Variants in CAMK4 observed in about 807,000 individuals in gnomAD.
CAMK4 encodes calcium/calmodulin-dependent protein kinase type IV.
Under a neutral mutation model 44.9 loss-of-function variants are expected in CAMK4, and 22 were observed. The observed-to-expected ratio is 0.49, with a 90% CI of 0.35 to 0.70. CAMK4 has a LOEUF of 0.70. Among genes scored for constraint, CAMK4 ranks in the 30% least tolerant of loss-of-function variants. The pLI is 0.01. For missense variants in CAMK4, 498 were observed against 586.8 expected (o/e 0.85, Z 1.56); for synonymous variants, 218 against 215.4 (o/e 1.01, Z -0.11).
intron 2 of CAMK4, among the ~76,000 whole-genome samples, chr5:111,365,799 T>C (rs1413965566): frequency 6.6e-6 from 1 of 152,098 alleles, no homozygotes; most frequent in African/African-American, 2.4e-5. Context: ...AGGATAAAGA[T>C]AAATAATCAG....
Position 111,240,306 on chromosome 5 carries a change from T to TA in CAMK4, c.161+15675dup, listed in dbSNP as rs60517832. ...GAGTTCTGGAAATCATTTAACAATC[T>TA]AAAAAAAAAAAAACCCATAAGTAGT... On this transcript the variant is annotated intron_variant, in intron 1 of 10. Transcript: ENST00000282356. Among the ~76,000 whole-genome samples the TA allele has an allele frequency of 5.1e-3, 729 of 143,014 alleles. 1 individual carries two copies. Among genetic ancestry groups the TA allele is most frequent in the Admixed American group, 7.0e-3 (100 of 14,380 alleles). 93.8% of individuals were successfully genotyped at this position (143,014 alleles called of 152,430 possible). A position where few individuals can be genotyped will look rare whatever the true frequency, so the allele number is the denominator to read the frequency against.
At chr5:111,330,856 A>C (rs891827325) in intron 1 of CAMK4, among the ~76,000 whole-genome samples, 8 of 151,694 alleles carry the variant, frequency 5.3e-5, no homozygotes, top group Non-Finnish European at 1.2e-4. Flanking sequence ...AAAAGTACTG[A>C]GGCAGTGCAA....
chr5:111,230,066 G>A (rs141581858), intron 1 of CAMK4, among the ~76,000 whole-genome samples: 134 of 152,230 alleles, frequency 8.8e-4, no homozygotes, highest in Non-Finnish European at 1.5e-3. Flanking sequence ...TCTTCTTTGA[G>A]GTCTTGGTCC....
chr5:111,239,531 T>C (rs796562255), intron 1 of CAMK4, among the ~76,000 whole-genome samples: 8 of 152,266 alleles, frequency 5.3e-5, no homozygotes, highest in African/African-American at 1.9e-4. Flanking sequence ...GCAGGGATTG[T>C]TAAATATTAA....
intron 1 of CAMK4, among the ~76,000 whole-genome samples, chr5:111,323,221 TAAAGAG>T (rs1432592436): frequency 1.3e-5 from 2 of 151,900 alleles, no homozygotes; most frequent in African/African-American, 4.8e-5. Flanking sequence ...AAACCAAAGA[TAAAGAG>T]AAAATCTTAA....
intron 7 of CAMK4, 68 bp from the exon 8 acceptor site, chr5:111,473,243 A>G (rs1755124273): frequency 9.9e-7 from 1 of 1,011,700 alleles, no homozygotes. Flanking sequence ...TTTCTTTCCC[A>G]TTGCTTGATA....
At chr5:111,337,891 A>T (rs1402543276) in intron 1 of CAMK4, among the ~76,000 whole-genome samples, 1 of 151,132 alleles carries the variant, frequency 6.6e-6, no homozygotes, top group South Asian at 2.1e-4. Context: ...GAGCAATGTT[A>T]TGTGTCCCTA....
At chr5:111,433,291 TCA>T (rs1291361433) in intron 5 of CAMK4, among the ~76,000 whole-genome samples, 1 of 152,216 alleles carries the variant, frequency 6.6e-6, no homozygotes, top group Non-Finnish European at 1.5e-5. Flanking sequence ...TTGTATTCAT[TCA>T]CACATCTGGA....
At chr5:111,381,686 A>G (rs1376478850) in intron 4 of CAMK4, among the ~76,000 whole-genome samples, 1 of 152,162 alleles carries the variant, frequency 6.6e-6, no homozygotes, top group Non-Finnish European at 1.5e-5. Flanking sequence ...TCAAGTTGAC[A>G]CTCAATATTA....
chr5:111,244,561 T>A (rs1749147888), intron 1 of CAMK4, among the ~76,000 whole-genome samples: 1 of 152,192 alleles, frequency 6.6e-6, no homozygotes, highest in Non-Finnish European at 1.5e-5. Context: ...CTGACCTATA[T>A]TAAAATATAA....
chr5:111,317,638 C>T (rs1748480441), intron 1 of CAMK4, among the ~76,000 whole-genome samples: 1 of 151,880 alleles, frequency 6.6e-6, no homozygotes, highest in East Asian at 1.9e-4. Context: ...TGATTATGCC[C>T]CTCATTTGTA....
chr5:111,450,764 G>T (rs965853885), intron 7 of CAMK4, among the ~76,000 whole-genome samples: 3 of 151,120 alleles, frequency 2.0e-5, no homozygotes, highest in Admixed American at 6.6e-5. Context: ...CTCCAGTCTG[G>T]GTGACAAGAG....
intron 5 of CAMK4, among the ~76,000 whole-genome samples, chr5:111,423,915 G>A (rs1278228095): frequency 6.6e-6 from 1 of 152,126 alleles, no homozygotes; most frequent in Non-Finnish European, 1.5e-5. Flanking sequence ...ACACCAATAA[G>A]GCTATCAGGC....
intron 2 of CAMK4, among the ~76,000 whole-genome samples, chr5:111,354,761 C>T (rs1750263726): frequency 1.3e-5 from 2 of 151,982 alleles, no homozygotes; most frequent in African/African-American, 4.8e-5. Context: ...GAGGAGGAAG[C>T]TTATGTAGCC....
intron 1 of CAMK4, among the ~76,000 whole-genome samples, chr5:111,264,708 T>C (rs1368959420): frequency 6.6e-6 from 1 of 152,128 alleles, no homozygotes; most frequent in Non-Finnish European, 1.5e-5. Flanking sequence ...GCTGCAGAGA[T>C]TGAGCCCTCT....
chr5:111,472,593 A>C (rs1056750771), intron 7 of CAMK4, among the ~76,000 whole-genome samples: 4 of 152,222 alleles, frequency 2.6e-5, no homozygotes, highest in Non-Finnish European at 4.4e-5. Context: ...AGATACTGCT[A>C]TTCTCCACAC....
chr5:111,234,063 G>A (rs1053141470), intron 1 of CAMK4, among the ~76,000 whole-genome samples: 2 of 152,064 alleles, frequency 1.3e-5, no homozygotes, highest in African/African-American at 4.8e-5. Flanking sequence ...ACCATTAATA[G>A]GTACGTTAGT....
At chr5:111,404,257 A>G (rs1752336281) in intron 5 of CAMK4, among the ~76,000 whole-genome samples, 1 of 152,224 alleles carries the variant, frequency 6.6e-6, no homozygotes. Flanking sequence ...TAACAACTAA[A>G]TGTATTATAA....
At chr5:111,253,195 G>C (rs941765213) in intron 1 of CAMK4, among the ~76,000 whole-genome samples, 1 of 152,146 alleles carries the variant, frequency 6.6e-6, no homozygotes, top group African/African-American at 2.4e-5. Context: ...ACAAATGTCT[G>C]CATGGATGGT....
Sources: gnomAD v4.1 joint callset for allele counts (sites outside exome capture counted in the v4.1 genomes callset) on GRCh38, gnomAD v4.1.1 for gene constraint, MANE v1.5 for transcripts, NCBI Gene and HGNC (gene_info 2026-07-23, HGNC 2026-07-21) for gene names.